Variants in CLVS2 observed in about 807,000 individuals in gnomAD.
CLVS2 encodes the protein clavesin-2.
Under a neutral mutation model 29.0 loss-of-function variants are expected in CLVS2, and 19 were observed. That is an observed-to-expected ratio of 0.66 (90% confidence interval 0.46 to 0.96). CLVS2 has a LOEUF of 0.96. CLVS2 is among the 40% of genes least tolerant of loss of function. The probability of loss-of-function intolerance (pLI) is 0.00; values close to 1 mark genes in which losing one functional copy is unlikely to be tolerated. For missense variants in CLVS2, 294 were observed against 404.1 expected (o/e 0.73, Z 2.34); for synonymous variants, 161 against 151.3 (o/e 1.06, Z -0.47).
chr6:122,997,479 G>A lies in CLVS2; in HGVS notation c.-299G>A, dbSNP rs888669324. Reference sequence around the variant, plus strand: ...AAAGAGAAAGGACAAGAAGAGGAGTGCGGAGCCCTTCAGGGGTTCACATCT... The same window carrying A: ...AAAGAGAAAGGACAAGAAGAGGAGTACGGAGCCCTTCAGGGGTTCACATCT... On this transcript the variant is annotated 5_prime_UTR_variant, in exon 2 of 6. Coordinates refer to ENST00000275162, the MANE Select transcript of CLVS2 (RefSeq NM_001010852.4). The A allele has an allele frequency of 9.7e-6, 4 of 412,328 alleles. No individual in the cohort carries two copies. The highest frequency in any genetic ancestry group is 1.8e-5 in the Non-Finnish European group (4 of 219,078). 25.5% of individuals were successfully genotyped at this position (412,328 alleles called of 1,614,324 possible).
intron 3 of CLVS2, among the ~76,000 whole-genome samples, chr6:123,042,798 AG>A (rs1582659339): frequency 6.6e-6 from 1 of 152,310 alleles, no homozygotes; most frequent in East Asian, 1.9e-4. Context: ...AACTGGGAAA[AG>A]CATGACTTTC....
chr6:123,011,262 A>G, intron 3 of CLVS2, 103 bp downstream of exon 3: 1 of 814,708 alleles, frequency 1.2e-6, no homozygotes, highest in East Asian at 2.9e-5. Context: ...TAACAAAAAC[A>G]AAAAAAATCT....
intron 2 of CLVS2, among the ~76,000 whole-genome samples, chr6:123,004,349 C>T (rs1013052609): frequency 2.6e-4 from 40 of 152,272 alleles, no homozygotes; most frequent in African/African-American, 9.6e-4. Context: ...TTCTCTTGTT[C>T]TCACTCACCT....
intron 3 of CLVS2, among the ~76,000 whole-genome samples, chr6:123,013,733 A>G (rs1053950197): frequency 5.3e-5 from 8 of 151,864 alleles, no homozygotes; most frequent in African/African-American, 9.7e-5. Context: ...ATATGTATAC[A>G]TGTGTCATGT....
chr6:123,055,920 A>T lies in CLVS2; in HGVS notation c.790A>T (p.Thr264Ser), dbSNP rs936846825. 3.7e-6 allele frequency: 6 copies of T among 1,614,042 alleles called. No homozygotes were observed. Among genetic ancestry groups the T allele is most frequent in the Non-Finnish European group, 5.1e-6 (6 of 1,179,932 alleles). Residue 264 changes from threonine to serine, a missense_variant, in exon 5 of 6, where the codon ACA (threonine) becomes TCA (serine). This residue lies in a region of CLVS2 where 212 missense variants were observed against 336.4 expected (regional missense o/e 0.63). Transcript: ENST00000275162. Reference sequence around the variant, plus strand: ...TTATGACATGGGGACATGGGCAAGAACACTGCTAGACCATGAATATGACGA... The same window carrying T: ...TTATGACATGGGGACATGGGCAAGATCACTGCTAGACCATGAATATGACGA... Reference protein sequence around the residue: ...PPYDMGTWARTLLDHEYDDDS... With the variant: ...PPYDMGTWARSLLDHEYDDDS...
At chr6:123,041,667 A>G (rs1775236396) in intron 3 of CLVS2, among the ~76,000 whole-genome samples, 1 of 152,172 alleles carries the variant, frequency 6.6e-6, no homozygotes, top group South Asian at 2.1e-4. Flanking sequence ...TTTTAATAGT[A>G]ATGGCAGAAA....
chr6:123,025,063 C>T (rs187462380), intron 3 of CLVS2, among the ~76,000 whole-genome samples: 164 of 152,136 alleles, frequency 1.1e-3, no homozygotes, highest in Middle Eastern at 6.8e-3. Context: ...TGAAGAAAGA[C>T]CCTGCAATAC....
chr6:123,057,334 C>CTTTTTT (rs71541220), intron 5 of CLVS2, among the ~76,000 whole-genome samples: 7 of 83,688 alleles, frequency 8.4e-5, no homozygotes, highest in Non-Finnish European at 1.1e-4. Context: ...GGATGGTCTT[C>CTTTTTT]TTTTTTTTTT....
intron 3 of CLVS2, among the ~76,000 whole-genome samples, chr6:123,013,088 G>A (rs1053379786): frequency 6.6e-6 from 1 of 152,032 alleles, no homozygotes; most frequent in Non-Finnish European, 1.5e-5. Context: ...TGCTAGAAAT[G>A]TTCCGTTGTG....
In CLVS2 at chr6:123,070,108, T is replaced by G. The variant is rs1772919966; in HGVS notation, c.*6347T>G. On this transcript the variant is annotated 3_prime_UTR_variant, in exon 6 of 6. Transcript: ENST00000275162. The stretch of plus-strand genomic sequence containing the variant: ...CTAGAAAAATTGTTGTTTTTTGTGT[T>G]TTGTATTCATAGGGAAGACTAGTAA... 6.6e-6 allele frequency: 1 copy of G among 151,980 alleles called. No individual in the cohort carries two copies. Among genetic ancestry groups the G allele is most frequent in the South Asian group, 2.1e-4 (1 of 4,834 alleles). 9.4% of individuals were successfully genotyped at this position (151,980 alleles called of 1,614,324 possible). A position where few individuals can be genotyped will look rare whatever the true frequency, so the allele number is the denominator to read the frequency against.
In CLVS2 at chr6:122,998,147, G is replaced by A. The variant is rs1239014764; in HGVS notation, c.370G>A (p.Ala124Thr). Residue 124 changes from alanine to threonine, a missense_variant, in exon 2 of 6, where the codon GCC (alanine) becomes ACC (threonine). Physicochemically the swap from Ala to Thr is moderately conservative, Grantham distance 58. Coordinates refer to ENST00000275162, the MANE Select transcript of CLVS2 (RefSeq NM_001010852.4). Reference protein sequence around the residue: ...YGRKILVLFAANWDQSRYTLV... With the variant: ...YGRKILVLFATNWDQSRYTLV... ...CAGGAAGATTCTAGTCCTTTTTGCT[G>A]CCAATTGGGATCAGAGCAGGTAAAT... The A allele has an allele frequency of 6.2e-7, 1 of 1,612,348 alleles. No individual in the cohort carries two copies.
rs1772886374 is a variant in CLVS2, at chr6:123,067,833, A to G, written c.*4072A>G. 1 of 151,742 alleles carries G rather than the reference A, an allele frequency of 6.6e-6. No individual in the cohort carries two copies. The highest frequency in any genetic ancestry group is 6.6e-5 in the Admixed American group (1 of 15,180). The allele number at this position is 151,742 out of a possible 1,614,324, so 9.4% of individuals were successfully genotyped here. Reference sequence around the variant, plus strand: ...TGCAAGGTGTGTAATTATCTTCAGTAATGAAAAGGATTTGTTTTCTTGTTT... The same window carrying G: ...TGCAAGGTGTGTAATTATCTTCAGTGATGAAAAGGATTTGTTTTCTTGTTT... On this transcript the variant is annotated 3_prime_UTR_variant, in exon 6 of 6. Coordinates refer to ENST00000275162, the MANE Select transcript of CLVS2 (RefSeq NM_001010852.4).
Position 123,072,735 on chromosome 6 carries a change from G to T in CLVS2, c.*8974G>T, listed in dbSNP as rs1292840101. The stretch of plus-strand genomic sequence containing the variant: ...ATTGAATTCTAAGGGTATGTTCCTT[G>T]GTAAATTGTGTTAATTATGTCCACT... On this transcript the variant is annotated 3_prime_UTR_variant, in exon 6 of 6. Coordinates refer to ENST00000275162, the MANE Select transcript of CLVS2 (RefSeq NM_001010852.4). 6.6e-6 allele frequency: 1 copy of T among 151,678 alleles called. No individual in the cohort carries two copies. Among genetic ancestry groups the T allele is most frequent in the African/African-American group, 2.4e-5 (1 of 41,286 alleles). The allele number at this position is 151,678 out of a possible 1,614,324, so 9.4% of individuals were successfully genotyped here.
intron 2 of CLVS2, 58 bp downstream of exon 2, chr6:122,998,224 C>T: frequency 6.5e-7 from 1 of 1,527,498 alleles, no homozygotes; most frequent in South Asian, 1.2e-5. Flanking sequence ...CCAGAATTTA[C>T]CCCGAGTAGT....
At chr6:123,005,841 T>G (rs1302104708) in intron 2 of CLVS2, among the ~76,000 whole-genome samples, 1 of 152,202 alleles carries the variant, frequency 6.6e-6, no homozygotes, top group African/African-American at 2.4e-5. Context: ...AAGCCTTAAG[T>G]GAATGTTATA....
chr6:123,043,463 GC>G lies in CLVS2; in HGVS notation c.565-5156del, dbSNP rs1031042951. On this transcript the variant is annotated intron_variant, in intron 3 of 5. Transcript: ENST00000275162. The stretch of plus-strand genomic sequence containing the variant: ...TGGGCGCTACACCTTATCACTATAT[GC>G]CCTTTGCTATGGGGCCTATAGTAGT... Among the ~76,000 whole-genome samples, 115 of 152,160 alleles carry G rather than the reference GC, an allele frequency of 7.6e-4. 1 individual carries two copies. The highest frequency in any genetic ancestry group is 2.7e-3 in the African/African-American group (112 of 41,514).
At chr6:122,999,599 T>C (rs1562160930) in intron 2 of CLVS2, among the ~76,000 whole-genome samples, 1 of 152,206 alleles carries the variant, frequency 6.6e-6, no homozygotes, top group Admixed American at 6.5e-5. Flanking sequence ...TTTAAAAATG[T>C]TTTCTTTTCA....
intron 3 of CLVS2, among the ~76,000 whole-genome samples, chr6:123,016,533 C>G (rs1247001008): frequency 6.6e-6 from 1 of 152,006 alleles, no homozygotes; most frequent in Non-Finnish European, 1.5e-5. Context: ...TACTGGGTCT[C>G]TGTGCTTTTG....
chr6:122,999,615 A>G (rs1277131473), intron 2 of CLVS2, among the ~76,000 whole-genome samples: 1 of 152,176 alleles, frequency 6.6e-6, no homozygotes, highest in Non-Finnish European at 1.5e-5. Context: ...TTTCATCCTA[A>G]AAGTACATTG....
Sources: gnomAD v4.1 joint callset for allele counts (sites outside exome capture counted in the v4.1 genomes callset) on GRCh38, gnomAD v4.1.1 for gene constraint, gnomAD v4.1.1 regional missense constraint, MANE v1.5 for transcripts, NCBI Gene and HGNC (gene_info 2026-07-23, HGNC 2026-07-21) for gene names.